ZFPM1: variants seen among roughly 807,000 people sequenced by gnomAD.
ZFPM1 encodes the protein zinc finger protein ZFPM1.
ZFPM1 carries 28 observed loss-of-function variants against 46.3 expected under a neutral mutation model. The observed-to-expected ratio is 0.60, with a 90% CI of 0.45 to 0.83. The LOEUF (loss-of-function observed/expected upper bound fraction) is 0.83. Ranked by LOEUF, ZFPM1 falls within the 40% of genes least tolerant of loss-of-function variation. The pLI, the probability that ZFPM1 is intolerant of heterozygous loss-of-function variation, is 0.00. For synonymous variants in ZFPM1, 957 were observed against 675.9 expected (o/e 1.42, Z -6.45); for missense variants, 1,878 against 1,432.4 (o/e 1.31, Z -5.02).
At chr16:88,501,118 CAGACAT>C (rs1910243028) in intron 3 of ZFPM1, among the ~76,000 whole-genome samples, 1 of 140,252 alleles carries the variant, frequency 7.1e-6, no homozygotes, top group African/African-American at 2.9e-5. Flanking sequence ...ATGGAGATAG[CAGACAT>C]GGATGCGGGG....
intron 5 of ZFPM1, 70 bp from the exon 6 acceptor site, chr16:88,527,962 G>A: frequency 7.0e-7 from 1 of 1,433,466 alleles, no homozygotes; most frequent in Non-Finnish European, 9.4e-7. Flanking sequence ...CCCATCCTCT[G>A]CCCCTTGTTT....
At chr16:88,455,643 C>G (rs961861010) in intron 1 of ZFPM1, among the ~76,000 whole-genome samples, 2 of 152,050 alleles carry the variant, frequency 1.3e-5, no homozygotes, top group African/African-American at 4.8e-5. Flanking sequence ...ACCCGCGCCC[C>G]CATCAAAGCC....
chr16:88,516,636 C>G, intron 4 of ZFPM1: 2 of 398,694 alleles, frequency 5.0e-6, no homozygotes, highest in Non-Finnish European at 8.8e-6. Context: ...GATATGCACG[C>G]CTTTCCGATA....
intron 9 of ZFPM1, 53 bp downstream of exon 9, chr16:88,532,988 G>A: frequency 1.2e-6 from 2 of 1,605,788 alleles, no homozygotes; most frequent in Admixed American, 1.7e-5. Context: ...TGAGCAGTGG[G>A]AAGGGAGTGG....
intron 1 of ZFPM1, among the ~76,000 whole-genome samples, chr16:88,455,185 T>C (rs569467113): frequency 4.6e-5 from 7 of 150,594 alleles, no homozygotes; most frequent in Non-Finnish European, 7.4e-5. Flanking sequence ...TGTTTCACTG[T>C]GATGAGAAAT....
At chr16:88,456,076 G>A (rs555333031) in intron 1 of ZFPM1, among the ~76,000 whole-genome samples, 13 of 152,358 alleles carry the variant, frequency 8.5e-5, no homozygotes, top group African/African-American at 3.1e-4. Context: ...GGAACGGCCC[G>A]GGTTGGGGCC....
chr16:88,465,115 G>T (rs1908075827), intron 1 of ZFPM1, among the ~76,000 whole-genome samples: 1 of 152,236 alleles, frequency 6.6e-6, no homozygotes, highest in Non-Finnish European at 1.5e-5. Flanking sequence ...TGGCCCCTGG[G>T]CCAGACCATG....
At chr16:88,504,161 C>T (rs759663339) in intron 3 of ZFPM1, among the ~76,000 whole-genome samples, 54 of 151,956 alleles carry the variant, frequency 3.6e-4, no homozygotes, top group Non-Finnish European at 6.9e-4. Context: ...TGAGCAGGGA[C>T]CTGGTAGGAA....
At chr16:88,478,999 T>C (rs577699144) in intron 1 of ZFPM1, among the ~76,000 whole-genome samples, 15 of 152,322 alleles carry the variant, frequency 9.8e-5, no homozygotes, top group Admixed American at 3.9e-4. Flanking sequence ...GTGCCGAGCC[T>C]GGGCTCCCCA....
chr16:88,494,730 G>A (rs916786173), intron 3 of ZFPM1, among the ~76,000 whole-genome samples: 4 of 152,086 alleles, frequency 2.6e-5, no homozygotes, highest in African/African-American at 9.7e-5. Context: ...CGGTCACTGG[G>A]CCTGTGGCCT....
Position 88,534,295 on chromosome 16 carries a change from C to G in ZFPM1, c.2337C>G (p.Pro779=). The change falls in exon 10 of 10, where the codon CCC becomes CCG. Residue 779 remains proline (P), a synonymous_variant. Coordinates refer to ENST00000319555, the MANE Select transcript of ZFPM1 (RefSeq NM_153813.3). ...CCGGAAGCGGAAGCGGAAGCGGCCC[C>G]GGCCTCGCCCCTGCGCGCTCGCCCG... ...PRPGSGSGSG[P]GLAPARSPGP... is the part of the protein sequence containing the mutation. 1.6e-6 allele frequency: 2 copies of G among 1,223,330 alleles called. No homozygotes were observed. Among genetic ancestry groups the G allele is most frequent in the Non-Finnish European group, 2.0e-6 (2 of 982,910 alleles). The allele number at this position is 1,223,330 out of a possible 1,614,324, so 75.8% of individuals were successfully genotyped here.
chr16:88,491,671 C>T (rs1292530592), intron 3 of ZFPM1, among the ~76,000 whole-genome samples: 5 of 152,194 alleles, frequency 3.3e-5, no homozygotes, highest in South Asian at 2.1e-4. Context: ...CCCCTGAGGC[C>T]GGCCGTGGTT....
Position 88,461,182 on chromosome 16 carries a change from G to A in ZFPM1, c.40+7504G>A, listed in dbSNP as rs1159915149. On this transcript the variant is annotated intron_variant, in intron 1 of 9. Transcript: ENST00000319555. The stretch of plus-strand genomic sequence containing the variant: ...CGGGAGACCTGGTGAGGACCGAGGG[G>A]CGGGGCGGGAGGCCTGGTGAGGACC... 1.1e-3 allele frequency among the ~76,000 whole-genome samples: 82 copies of A among 75,470 alleles called. 13 individuals are homozygous for A. Among genetic ancestry groups the A allele is most frequent in the African/African-American group, 4.9e-3 (73 of 14,942 alleles). 49.5% of individuals were successfully genotyped at this position (75,470 alleles called of 152,430 possible). A position where few individuals can be genotyped will look rare whatever the true frequency, so the allele number is the denominator to read the frequency against.
intron 4 of ZFPM1, among the ~76,000 whole-genome samples, chr16:88,521,250 C>T (rs73250214): frequency 0.071 from 10,837 of 151,752 alleles, 777 homozygotes; most frequent in African/African-American, 0.19. Flanking sequence ...ATGCTGTTCC[C>T]TCCTCCGTGC....
chr16:88,520,811 G>A (rs1429481330), intron 4 of ZFPM1, among the ~76,000 whole-genome samples: 1 of 88,006 alleles, frequency 1.1e-5, no homozygotes, highest in East Asian at 3.0e-4. Context: ...ATGGGTGGGT[G>A]GATGGATGGA....
Position 88,533,633 on chromosome 16 carries a change from G to C in ZFPM1, c.1675G>C (p.Gly559Arg). The C allele has an allele frequency of 6.8e-7, 1 of 1,464,738 alleles. No homozygotes were observed. The highest frequency in any genetic ancestry group is 9.0e-7 in the Non-Finnish European group (1 of 1,106,854). 90.7% of individuals were successfully genotyped at this position (1,464,738 alleles called of 1,614,324 possible). A position where few individuals can be genotyped will look rare whatever the true frequency, so the allele number is the denominator to read the frequency against. Residue 559 changes from glycine to arginine, a missense_variant, in exon 10 of 10, where the codon GGC becomes CGC. Gly to Arg is a moderately radical substitution (Grantham distance 125). Coordinates refer to ENST00000319555, the MANE Select transcript of ZFPM1 (RefSeq NM_153813.3). ...GCACAGCCGGCTGCAGCAGGGCGCG[G>C]GCGCGGGCGCCGGCGGCGCGCAGAC... ...LVHSRLQQGA[G>R]AGAGGAQTGL...
At chr16:88,460,737 A>C (rs570311453) in intron 1 of ZFPM1, among the ~76,000 whole-genome samples, 1 of 152,200 alleles carries the variant, frequency 6.6e-6, no homozygotes, top group African/African-American at 2.4e-5. Context: ...GCTGGTATAC[A>C]GTAGGTGCTT....
chr16:88,523,035 G>A (rs776707624), intron 4 of ZFPM1, among the ~76,000 whole-genome samples: 21 of 152,196 alleles, frequency 1.4e-4, no homozygotes, highest in Non-Finnish European at 2.6e-4. Context: ...GTGAAACCCC[G>A]TCCCTACTTA....
chr16:88,452,630 T>C (rs116269978), upstream of ZFPM1, among the ~76,000 whole-genome samples: 1 of 152,256 alleles, frequency 6.6e-6, no homozygotes. Flanking sequence ...AAGAGAAACG[T>C]GGGCGTCAAG....
Sources: gnomAD v4.1 joint callset for allele counts (sites outside exome capture counted in the v4.1 genomes callset) on GRCh38, gnomAD v4.1.1 for gene constraint, MANE v1.5 for transcripts, NCBI Gene and HGNC (gene_info 2026-07-23, HGNC 2026-07-21) for gene names.